Variants in RPL5 observed in about 807,000 individuals in gnomAD.
RPL5 encodes large ribosomal subunit protein uL18.
A neutral mutation model predicts 38.4 loss-of-function variants in RPL5; 1 was observed. The ratio of observed to expected loss-of-function variants is 0.03; its 90% CI spans 0.01 to 0.12. The LOEUF is 0.12. RPL5 is among the 10% of genes least tolerant of loss of function. The pLI is 1.00. For synonymous variants in RPL5, 109 were observed against 121.2 expected (o/e 0.90, Z 0.66); for missense variants, 243 against 374.1 (o/e 0.65, Z 2.89).
At chr1:92,841,446 A>G (rs766358925) in intron 7 of RPL5, among the ~76,000 whole-genome samples, 12 of 152,198 alleles carry the variant, frequency 7.9e-5, no homozygotes, top group East Asian at 3.8e-4. Context: ...TAGTGCTGCA[A>G]TGAACATGGG....
At chr1:92,838,732 G>T (rs1261039603) in intron 6 of RPL5, among the ~76,000 whole-genome samples, 1 of 152,164 alleles carries the variant, frequency 6.6e-6, no homozygotes, top group African/African-American at 2.4e-5. Context: ...GAAGGAACTG[G>T]GTTGCTTAGA....
intron 4 of RPL5, 169 bp downstream of exon 4, chr1:92,835,082 A>C (rs1158859245): frequency 1.0e-6 from 1 of 955,358 alleles, no homozygotes; most frequent in African/African-American, 1.6e-5. Context: ...CTTTCCAATA[A>C]AATTTTCTGC....
intron 6 of RPL5, 26 bp downstream of exon 6, chr1:92,837,659 A>T: frequency 1.3e-6 from 2 of 1,590,804 alleles, no homozygotes; most frequent in Non-Finnish European, 8.6e-7. Flanking sequence ...AAAAATGCCT[A>T]TATTGGTTAA....
intron 6 of RPL5, among the ~76,000 whole-genome samples, chr1:92,839,789 CAAG>C (rs1318501270): frequency 4.6e-5 from 7 of 152,138 alleles, no homozygotes; most frequent in African/African-American, 1.2e-4. Context: ...TAGAGTGACT[CAAG>C]AAGTGTGGCT....
Position 92,841,874 on chromosome 1 carries a change from A to G in RPL5, c.*9A>G. 6.3e-7 allele frequency: 1 copy of G among 1,597,878 alleles called. No homozygotes were observed. On this transcript the variant is annotated 3_prime_UTR_variant, in exon 8 of 8. Coordinates refer to ENST00000370321, the MANE Select transcript of RPL5 (RefSeq NM_000969.5). ...GGGCTGCTGAGAGCTAAACCCAGCA[A>G]TTTTCTATGATTTTTTCAGATATAG...
chr1:92,840,791 G>A (rs772581308), intron 7 of RPL5, 152 bp downstream of exon 7: 1 of 744,398 alleles, frequency 1.3e-6, no homozygotes, highest in South Asian at 1.4e-5. Context: ...AGTAACTGTG[G>A]TGATGGAAAT....
chr1:92,840,950 G>A, intron 7 of RPL5: 1 of 465,924 alleles, frequency 2.1e-6, no homozygotes, highest in Non-Finnish European at 4.1e-6. Flanking sequence ...AATACTTAAT[G>A]AACATGTAAG....
chr1:92,837,782 T>C (rs1687186119), intron 6 of RPL5, 149 bp downstream of exon 6: 2 of 691,818 alleles, frequency 2.9e-6, no homozygotes, highest in Non-Finnish European at 5.1e-6. Context: ...ATCTTTTAGA[T>C]GCTCAAGTGT....
chr1:92,835,035 G>A, intron 4 of RPL5, 122 bp downstream of exon 4: 1 of 1,414,422 alleles, frequency 7.1e-7, no homozygotes, highest in Non-Finnish European at 9.9e-7. Context: ...CTTGCTTCCA[G>A]TTTTCTGCTT....
In RPL5 at chr1:92,833,816, G is replaced by T. The variant is rs1411471421; in HGVS notation, c.189+156G>T. ...TTTAGTAGGTCTAGAATTGGAACCTGGGAACTTGGTACTTTAAAAAATGCT... is the reference window on the plus strand; with the variant it reads ...TTTAGTAGGTCTAGAATTGGAACCTTGGAACTTGGTACTTTAAAAAATGCT... On this transcript the variant is annotated intron_variant, in intron 3 of 7. Coordinates refer to ENST00000370321, the MANE Select transcript of RPL5 (RefSeq NM_000969.5). 5 of 641,786 alleles carry T rather than the reference G, an allele frequency of 7.8e-6. No homozygotes were observed. The East Asian group carries it at 1.4e-4, about 18-fold the overall frequency. 39.8% of individuals were successfully genotyped at this position (641,786 alleles called of 1,614,324 possible).
chr1:92,836,100 C>G, intron 4 of RPL5, 90 bp from the exon 5 acceptor site: 1 of 1,211,642 alleles, frequency 8.3e-7, no homozygotes, highest in Non-Finnish European at 1.2e-6. Context: ...TTCCAGATGT[C>G]AGTGGTCCTT....
At chr1:92,836,427 C>G (rs770667894) in intron 5 of RPL5, 35 bp downstream of exon 5, 1 of 1,579,986 alleles carries the variant, frequency 6.3e-7, no homozygotes, top group African/African-American at 1.3e-5. Flanking sequence ...GTGCCTGGAC[C>G]GTGGTACTTC....
chr1:92,833,693 A>G, intron 3 of RPL5, 33 bp downstream of exon 3: 1 of 1,543,826 alleles, frequency 6.5e-7, no homozygotes, highest in Non-Finnish European at 8.9e-7. Flanking sequence ...CCCTTTTTTT[A>G]TTGCTAGAGA....
intron 6 of RPL5, among the ~76,000 whole-genome samples, chr1:92,838,777 G>C (rs1035129408): frequency 2.6e-5 from 4 of 152,192 alleles, no homozygotes; most frequent in African/African-American, 9.7e-5. Context: ...TCATCAAATG[G>C]ATTTGTTATT....
At chr1:92,833,276 A>G in intron 1 of RPL5, 113 bp from the exon 2 acceptor site, 2 of 855,526 alleles carry the variant, frequency 2.3e-6, no homozygotes, top group Non-Finnish European at 3.9e-6. Flanking sequence ...TACAAGTGAC[A>G]GTTGTCTGTT....
intron 1 of RPL5, 121 bp from the exon 2 acceptor site, chr1:92,833,268 C>A: frequency 1.2e-6 from 1 of 816,838 alleles, no homozygotes; most frequent in Non-Finnish European, 2.0e-6. Flanking sequence ...TGGGATTCTA[C>A]AAGTGACAGT....
chr1:92,835,098 C>G, intron 4 of RPL5, 185 bp downstream of exon 4: 1 of 793,514 alleles, frequency 1.3e-6, no homozygotes, highest in Non-Finnish European at 2.0e-6. Flanking sequence ...TCTGCAATGA[C>G]ACAAATCTGT....
intron 3 of RPL5, among the ~76,000 whole-genome samples, 163 bp from the exon 4 acceptor site, chr1:92,834,616 T>C (rs1344331153): frequency 2.0e-5 from 3 of 152,244 alleles, no homozygotes; most frequent in Non-Finnish European, 4.4e-5. Flanking sequence ...CTTTGACTTT[T>C]TAAGCACCTC....
At chr1:92,834,956 T>A in intron 4 of RPL5, 43 bp downstream of exon 4, 1 of 1,599,608 alleles carries the variant, frequency 6.3e-7, no homozygotes, top group Non-Finnish European at 8.5e-7. Flanking sequence ...TGTGGCTGAT[T>A]GCTTGGAGAG....
Sources: allele counts gnomAD v4.1 joint callset (sites outside exome capture counted in the v4.1 genomes callset), GRCh38; gene constraint gnomAD v4.1.1; transcripts MANE v1.5; gene names NCBI Gene and HGNC (gene_info 2026-07-23, HGNC 2026-07-21).